Variants in NRG1 observed in about 807,000 individuals in gnomAD.
NRG1 encodes pro-neuregulin-1, membrane-bound isoform.
In NRG1, 18 loss-of-function variants were observed where a neutral mutation model predicts 63.8. The observed-to-expected ratio is 0.28, with a 90% CI of 0.19 to 0.42. The LOEUF is 0.42. NRG1 is among the 10% of genes least tolerant of loss of function. NRG1 has a pLI of 1.00. For missense variants in NRG1, 762 were observed against 814.7 expected, an observed-to-expected ratio of 0.94 and a Z score of 0.79; for synonymous variants, 302 against 301.3, an observed-to-expected ratio of 1.00 and a Z score of -0.02.
intron 1 of NRG1, among the ~76,000 whole-genome samples, chr8:32,003,184 T>C (rs758190477): frequency 6.6e-6 from 1 of 152,090 alleles, no homozygotes; most frequent in Non-Finnish European, 1.5e-5. Flanking sequence ...TGGAACAGCC[T>C]GCATTCCATC....
intron 1 of NRG1, among the ~76,000 whole-genome samples, chr8:31,687,775 G>A (rs1046980920): frequency 1.4e-4 from 22 of 152,216 alleles, no homozygotes; most frequent in Admixed American, 6.5e-5. Context: ...GAACTGAAAT[G>A]GTTAATCAGT....
intron 5 of NRG1, among the ~76,000 whole-genome samples, chr8:32,629,416 A>G (rs531515111): frequency 2.0e-5 from 3 of 152,260 alleles, no homozygotes; most frequent in Non-Finnish European, 4.4e-5. Context: ...ACTTATTACT[A>G]TGCCAGTTCC....
At chr8:32,576,441 A>G (rs1052258782) in intron 1 of NRG1, among the ~76,000 whole-genome samples, 9 of 152,310 alleles carry the variant, frequency 5.9e-5, no homozygotes, top group Admixed American at 1.3e-4. Flanking sequence ...ATGCCAATTG[A>G]ACCATAATTT....
intron 1 of NRG1, among the ~76,000 whole-genome samples, chr8:32,001,343 C>T (rs1391022964): frequency 1.3e-5 from 2 of 151,784 alleles, no homozygotes; most frequent in Non-Finnish European, 2.9e-5. Context: ...AGGGGAGTTC[C>T]CCTGCACATG....
rs540126321 is a variant in NRG1 at position 32,192,304 on chromosome 8, A to G, written c.38-403524A>G. Among the ~76,000 whole-genome samples the G allele has an allele frequency of 3.3e-5, 5 of 152,328 alleles. No homozygotes were observed. In the South Asian group the frequency reaches 6.2e-4, roughly 19 times the overall value. ...AGATACATGCACTCACATGCTCATC[A>G]TAGCACTATTCACTATAACAAAGAC... On this transcript the variant is annotated intron_variant, in intron 1 of 10. Transcript: ENST00000519301.
At chr8:31,989,208 T>C (rs962814892) in intron 1 of NRG1, among the ~76,000 whole-genome samples, 4 of 123,158 alleles carry the variant, frequency 3.2e-5, no homozygotes, top group African/African-American at 1.2e-4. Flanking sequence ...AGATTACTGT[T>C]GATTACTGTT....
chr8:32,075,139 A>C (rs1027547118), intron 1 of NRG1, among the ~76,000 whole-genome samples: 1 of 152,238 alleles, frequency 6.6e-6, no homozygotes, highest in African/African-American at 2.4e-5. Context: ...CTCCATGTAA[A>C]TGTTAGTCCT....
At chr8:32,755,221 A>G (rs188179491) in intron 8 of NRG1, among the ~76,000 whole-genome samples, 1 of 152,248 alleles carries the variant, frequency 6.6e-6, no homozygotes, top group African/African-American at 2.4e-5. Flanking sequence ...AACAAATTCA[A>G]TTACTATGTG....
intron 1 of NRG1, among the ~76,000 whole-genome samples, chr8:31,820,308 T>G (rs1238147004): frequency 6.6e-6 from 1 of 152,160 alleles, no homozygotes; most frequent in Non-Finnish European, 1.5e-5. Context: ...TGGGCACATC[T>G]GCCCTTCCTC....
chr8:32,529,776 C>G (rs912562002), intron 1 of NRG1, among the ~76,000 whole-genome samples: 6 of 152,204 alleles, frequency 3.9e-5, no homozygotes, highest in African/African-American at 1.4e-4. Context: ...GTAACACACA[C>G]GGAGCTGTCA....
intron 5 of NRG1, among the ~76,000 whole-genome samples, chr8:32,623,831 A>C (rs1412474695): frequency 6.6e-6 from 1 of 152,222 alleles, no homozygotes; most frequent in African/African-American, 2.4e-5. Flanking sequence ...TTCACTGTCT[A>C]TCATTGCATT....
intron 1 of NRG1, among the ~76,000 whole-genome samples, chr8:31,697,943 T>TTGGGCA (rs1245158585): frequency 2.0e-5 from 3 of 151,094 alleles, no homozygotes; most frequent in Non-Finnish European, 2.9e-5. Flanking sequence ...CAGGCTGGAG[T>TTGGGCA]ACAGTGGCAC....
chr8:32,116,989 A>AC (rs1353841399), intron 1 of NRG1, among the ~76,000 whole-genome samples: 1 of 150,990 alleles, frequency 6.6e-6, no homozygotes, highest in African/African-American at 2.4e-5. Flanking sequence ...AAAAAAAAAA[A>AC]AAAAAAGTCA....
At chr8:32,524,940 T>C (rs1008500692) in intron 1 of NRG1, among the ~76,000 whole-genome samples, 31 of 152,208 alleles carry the variant, frequency 2.0e-4, no homozygotes, top group Admixed American at 1.7e-3. Flanking sequence ...ATCACTGGTT[T>C]TCAACTTTTA....
intron 1 of NRG1, among the ~76,000 whole-genome samples, chr8:32,227,690 C>T (rs957576941): frequency 1.3e-5 from 2 of 152,138 alleles, no homozygotes; most frequent in Non-Finnish European, 2.9e-5. Flanking sequence ...GAATCATTAA[C>T]GTCTTTCTCC....
At chr8:32,754,984 C>T (rs1045517941) in intron 8 of NRG1, among the ~76,000 whole-genome samples, 13 of 152,054 alleles carry the variant, frequency 8.5e-5, no homozygotes, top group African/African-American at 3.1e-4. Context: ...ATAAAGGAAA[C>T]CTTTCGTGGT....
chr8:32,683,984 CA>C (rs1654911516), intron 5 of NRG1, among the ~76,000 whole-genome samples: 1 of 151,728 alleles, frequency 6.6e-6, no homozygotes, highest in Non-Finnish European at 1.5e-5. Flanking sequence ...CACTTGAGGC[CA>C]GGAGTTCAAA....
intron 1 of NRG1, among the ~76,000 whole-genome samples, chr8:32,023,551 G>A (rs1816780581): frequency 6.6e-6 from 1 of 152,170 alleles, no homozygotes; most frequent in African/African-American, 2.4e-5. Context: ...TTTAATGGCT[G>A]AGGTGAACCC....
chr8:32,348,879 A>T (rs546878995), intron 1 of NRG1, among the ~76,000 whole-genome samples: 13 of 152,344 alleles, frequency 8.5e-5, no homozygotes, highest in African/African-American at 3.1e-4. Flanking sequence ...GGAAGTATTG[A>T]GAAGAGAAAC....
Sources: gnomAD v4.1 joint callset for allele counts (sites outside exome capture counted in the v4.1 genomes callset) on GRCh38, gnomAD v4.1.1 for gene constraint, MANE v1.5 for transcripts, NCBI Gene and HGNC (gene_info 2026-07-23, HGNC 2026-07-21) for gene names.